NRXN3: variants seen among roughly 807,000 people sequenced by gnomAD.
NRXN3 encodes neurexin III.
NRXN3 carries 32 observed loss-of-function variants against 137.6 expected under a neutral mutation model. That is an observed-to-expected ratio of 0.23 (90% CI 0.18 to 0.31). The LOEUF (loss-of-function observed/expected upper bound fraction) is 0.31, where lower values mean the gene tolerates loss of function less well. NRXN3 is among the 10% of genes least tolerant of loss of function. The pLI, the probability that NRXN3 is intolerant of heterozygous loss-of-function variation, is 1.00. For synonymous variants in NRXN3, 798 were observed against 784.5 expected, an observed-to-expected ratio of 1.02 and a Z score of -0.29; for missense variants, 1,574 against 2,062.5, an observed-to-expected ratio of 0.76 and a Z score of 4.59.
chr14:78,551,320 T>C (rs2096686684), intron 4 of NRXN3, among the ~76,000 whole-genome samples: 2 of 152,176 alleles, frequency 1.3e-5, no homozygotes, highest in African/African-American at 4.8e-5. Context: ...TATCTATGTA[T>C]GCTCTTTCTC....
intron 16 of NRXN3, among the ~76,000 whole-genome samples, chr14:79,530,351 T>A (rs760275958): frequency 5.3e-5 from 8 of 152,204 alleles, no homozygotes; most frequent in Non-Finnish European, 1.2e-4. Context: ...TTTATTTAAA[T>A]CAAAATTTAA....
At chr14:78,404,389 T>C (rs1270001601) in intron 4 of NRXN3, among the ~76,000 whole-genome samples, 1 of 152,076 alleles carries the variant, frequency 6.6e-6, no homozygotes, top group African/African-American at 2.4e-5. Context: ...GATTCAGGCT[T>C]GTCAGATACT....
At chr14:79,631,029 G>A (rs995631831) in intron 16 of NRXN3, among the ~76,000 whole-genome samples, 5 of 152,088 alleles carry the variant, frequency 3.3e-5, no homozygotes, top group Non-Finnish European at 5.9e-5. Context: ...ACTAACAACC[G>A]TTGTGTAATG....
chr14:79,166,105 TA>T (rs1239855228), intron 15 of NRXN3, among the ~76,000 whole-genome samples: 6 of 152,152 alleles, frequency 3.9e-5, no homozygotes, highest in East Asian at 3.9e-4. Context: ...TTTTAGAAAT[TA>T]TTTTTTTGAT....
intron 15 of NRXN3, among the ~76,000 whole-genome samples, chr14:79,162,967 A>C: frequency 1.4e-5 from 2 of 146,954 alleles, no homozygotes; most frequent in South Asian, 2.2e-4. Context: ...CATCCCTTCC[A>C]CTCCCTTTCC....
At chr14:78,707,828 C>T (rs2098369468) in intron 6 of NRXN3, among the ~76,000 whole-genome samples, 1 of 152,192 alleles carries the variant, frequency 6.6e-6, no homozygotes. Context: ...TCCTGAGTTA[C>T]TTCACTTAGA....
chr14:78,806,356 C>A (rs958961252), intron 9 of NRXN3, among the ~76,000 whole-genome samples: 1 of 152,154 alleles, frequency 6.6e-6, no homozygotes, highest in Non-Finnish European at 1.5e-5. Context: ...AAAATATACC[C>A]CTTTGCAAAT....
chr14:78,399,687 AGTGAT>A (rs1567479226), intron 4 of NRXN3, among the ~76,000 whole-genome samples: 2 of 152,200 alleles, frequency 1.3e-5, no homozygotes, highest in African/African-American at 2.4e-5. Flanking sequence ...CTTAATAACT[AGTGAT>A]GCATTGGCTA....
chr14:78,892,104 A>G (rs1169251062), intron 10 of NRXN3, among the ~76,000 whole-genome samples: 1 of 152,056 alleles, frequency 6.6e-6, no homozygotes, highest in South Asian at 2.1e-4. Flanking sequence ...GTGCCCCACC[A>G]TACACCTGCT....
intron 2 of NRXN3, among the ~76,000 whole-genome samples, chr14:78,262,688 T>G (rs1347760617): frequency 6.6e-6 from 1 of 152,146 alleles, no homozygotes; most frequent in African/African-American, 2.4e-5. Context: ...GGGGTTGTTG[T>G]CTTGATAGAT....
chr14:79,462,590 C>T (rs1036142866), intron 15 of NRXN3, among the ~76,000 whole-genome samples: 1 of 150,234 alleles, frequency 6.7e-6, no homozygotes, highest in African/African-American at 2.4e-5. Context: ...AACGATAGAT[C>T]ACTCACTTAA....
At chr14:78,711,863 C>T (rs2152840704) in intron 7 of NRXN3, among the ~76,000 whole-genome samples, 1 of 152,224 alleles carries the variant, frequency 6.6e-6, no homozygotes, top group African/African-American at 2.4e-5. Flanking sequence ...GTTAAACTTT[C>T]ATTTTTTCAT....
At chr14:78,605,931 G>A (rs115035490) in intron 4 of NRXN3, among the ~76,000 whole-genome samples, 1 of 152,238 alleles carries the variant, frequency 6.6e-6, no homozygotes, top group Admixed American at 6.5e-5. Flanking sequence ...GTGATTATAA[G>A]TGTGCGAGTG....
In NRXN3 at chr14:78,183,994, T is replaced by A. The variant is rs142381849; in HGVS notation, c.-704+13320T>A. 3.4e-3 allele frequency among the ~76,000 whole-genome samples: 517 copies of A among 152,320 alleles called. 3 individuals carry two copies. Among genetic ancestry groups the A allele is most frequent in the African/African-American group, 0.012 (501 of 41,574 alleles). On this transcript the variant is annotated intron_variant, in intron 1 of 20. Coordinates refer to ENST00000335750, the MANE Select transcript of NRXN3 (RefSeq NM_001330195.2). Reference sequence around the variant, plus strand: ...TTCTTTTTTTGTACATGTAGTTATTTATTTATTTTACAACAATTAACTCCT... The same window carrying A: ...TTCTTTTTTTGTACATGTAGTTATTAATTTATTTTACAACAATTAACTCCT...
At chr14:79,683,678 C>T (rs143537631) in intron 17 of NRXN3, among the ~76,000 whole-genome samples, 1,982 of 152,222 alleles carry the variant, frequency 0.013, 51 homozygotes, top group African/African-American at 0.045. Context: ...GTATGAACTA[C>T]GGCTGCAGTC....
intron 16 of NRXN3, among the ~76,000 whole-genome samples, chr14:79,490,634 G>T (rs894493896): frequency 1.3e-5 from 2 of 150,962 alleles, no homozygotes; most frequent in African/African-American, 4.9e-5. Flanking sequence ...GAACTCATGG[G>T]CATAGAGAAT....
chr14:78,702,857 A>C (rs937041685), intron 6 of NRXN3, among the ~76,000 whole-genome samples: 4 of 152,214 alleles, frequency 2.6e-5, no homozygotes, highest in African/African-American at 9.6e-5. Context: ...GTGCTTATCA[A>C]GGGTCAGAAA....
At chr14:78,715,946 G>A (rs1005216898) in intron 8 of NRXN3, among the ~76,000 whole-genome samples, 1 of 152,194 alleles carries the variant, frequency 6.6e-6, no homozygotes, top group Non-Finnish European at 1.5e-5. Context: ...CAGGTTCACT[G>A]TATAGTGAGC....
chr14:79,469,027 C>G (rs2096465157), intron 16 of NRXN3, among the ~76,000 whole-genome samples: 1 of 152,192 alleles, frequency 6.6e-6, no homozygotes, highest in Admixed American at 6.5e-5. Context: ...CCATAATTTA[C>G]AAAACTCTGT....
Sources: gnomAD v4.1 joint callset for allele counts (sites outside exome capture counted in the v4.1 genomes callset) on GRCh38, gnomAD v4.1.1 for gene constraint, MANE v1.5 for transcripts, NCBI Gene and HGNC (gene_info 2026-07-23, HGNC 2026-07-21) for gene names.